Variants in TMTC3 observed in about 807,000 individuals in gnomAD.
The protein encoded by TMTC3 is protein O-mannosyl-transferase TMTC3.
In TMTC3, 52 loss-of-function variants were observed where a neutral mutation model predicts 92.2. The observed-to-expected ratio is 0.56, with a 90% CI of 0.45 to 0.71. The LOEUF is 0.71. TMTC3 is among the 30% of genes least tolerant of loss of function. The pLI, the probability that TMTC3 is intolerant of heterozygous loss-of-function variation, is 0.00. For missense variants in TMTC3, 896 were observed against 1,057.1 expected (o/e 0.85, Z 2.11); for synonymous variants, 339 against 363.3 (o/e 0.93, Z 0.76).
At chr12:88,168,565 G>A (rs189286482) in intron 7 of TMTC3, among the ~76,000 whole-genome samples, 11 of 152,278 alleles carry the variant, frequency 7.2e-5, no homozygotes, top group Admixed American at 2.6e-4. Flanking sequence ...TTTTATTGGC[G>A]TACTCAGCTA....
chr12:88,188,988 TG>T (rs780850541), intron 11 of TMTC3, 42 bp downstream of exon 11: 1 of 1,045,568 alleles, frequency 9.6e-7, no homozygotes, highest in Non-Finnish European at 1.5e-6. Context: ...ATCTATTAGA[TG>T]TCCATATTGA....
chr12:88,191,710 C>CTGTTTGTT (rs34463654), intron 12 of TMTC3, among the ~76,000 whole-genome samples: 17,780 of 151,458 alleles, frequency 0.12, 1,906 homozygotes, highest in African/African-American at 0.29. Flanking sequence ...AGTCCTTTTT[C>CTGTTTGTT]TGTTTGTTTG....
At chr12:88,145,815 A>G (rs887663927) in intron 1 of TMTC3, among the ~76,000 whole-genome samples, 2 of 152,192 alleles carry the variant, frequency 1.3e-5, no homozygotes, top group Admixed American at 6.5e-5. Context: ...GCTAAGAACA[A>G]AAGGAGAGCA....
intron 4 of TMTC3, among the ~76,000 whole-genome samples, chr12:88,155,079 A>G (rs1263143039): frequency 6.6e-6 from 1 of 152,176 alleles, no homozygotes; most frequent in Non-Finnish European, 1.5e-5. Flanking sequence ...ATTTAGCCAA[A>G]CATCTTAAGA....
chr12:88,162,476 T>A (rs1208848930), intron 6 of TMTC3, among the ~76,000 whole-genome samples: 1 of 152,162 alleles, frequency 6.6e-6, no homozygotes, highest in Non-Finnish European at 1.5e-5. Context: ...GATGCTCTGT[T>A]TTTTTCCCTC....
At chr12:88,173,125 A>T in intron 8 of TMTC3, 1 of 1,193,098 alleles carries the variant, frequency 8.4e-7, no homozygotes, top group East Asian at 5.7e-5. Context: ...TAAAATGCAT[A>T]TAGTAAGCAA....
chr12:88,193,763 G>A (rs2041470203), intron 13 of TMTC3, among the ~76,000 whole-genome samples: 1 of 152,140 alleles, frequency 6.6e-6, no homozygotes, highest in Non-Finnish European at 1.5e-5. Context: ...GTCCAAAAAA[G>A]TAGAAATTTG....
At position 88,153,287 on chromosome 12, in the gene TMTC3, G is replaced by A. The variant is rs766897117; in HGVS notation, c.190-4G>A. ...AATAATCACTGATCGTTTTTTCCTT[G>A]TAGGAGAGAAGCCACAAGTCTTACC... On this transcript the variant is annotated splice_polypyrimidine_tract_variant and splice_region_variant and intron_variant, in intron 2 of 13. Coordinates refer to ENST00000266712, the MANE Select transcript of TMTC3 (RefSeq NM_181783.4). The A allele has an allele frequency of 1.3e-6, 2 of 1,598,908 alleles. No individual in the cohort carries two copies. The highest frequency in any genetic ancestry group is 4.5e-5 in the East Asian group (2 of 44,640).
At chr12:88,159,662 TAAA>T (rs1218499909) in intron 4 of TMTC3, among the ~76,000 whole-genome samples, 12 of 143,322 alleles carry the variant, frequency 8.4e-5, no homozygotes, top group Admixed American at 7.7e-4. Context: ...GACCCTGTCT[TAAA>T]AAAAAAAAAA....
In TMTC3 at chr12:88,197,786, A is replaced by G. The variant is rs761526961; in HGVS notation, c.*2137A>G. ...CATTAATAATTTAATAATTGTTTTA[A>G]ATCAGTGGTTTTCAACCCTCACTTC... On this transcript the variant is annotated 3_prime_UTR_variant, in exon 14 of 14. Coordinates refer to ENST00000266712, the MANE Select transcript of TMTC3 (RefSeq NM_181783.4). 1 of 152,026 alleles carries G rather than the reference A, an allele frequency of 6.6e-6. No individual in the cohort carries two copies. Among genetic ancestry groups the G allele is most frequent in the African/African-American group, 2.4e-5 (1 of 41,420 alleles). 9.4% of individuals were successfully genotyped at this position (152,026 alleles called of 1,614,324 possible).
At chr12:88,148,973 C>G (rs1446188813) in intron 2 of TMTC3, among the ~76,000 whole-genome samples, 1 of 152,010 alleles carries the variant, frequency 6.6e-6, no homozygotes, top group Non-Finnish European at 1.5e-5. Flanking sequence ...GACTTTATTT[C>G]TCTTTTTTCT....
intron 1 of TMTC3, 41 bp from the exon 2 acceptor site, chr12:88,148,247 T>A (rs1314674677): frequency 7.5e-7 from 1 of 1,334,812 alleles, no homozygotes; most frequent in East Asian, 2.3e-5. Context: ...TTACTTGGAA[T>A]AAATATGTTC....
chr12:88,148,554 T>C (rs1231715569), intron 2 of TMTC3, 50 bp downstream of exon 2: 3 of 1,336,070 alleles, frequency 2.2e-6, no homozygotes, highest in South Asian at 2.9e-5. Context: ...TTTTGAAATA[T>C]TCTGGTATTT....
chr12:88,157,281 T>C (rs1276351235), intron 4 of TMTC3, among the ~76,000 whole-genome samples: 1 of 151,772 alleles, frequency 6.6e-6, no homozygotes, highest in Non-Finnish European at 1.5e-5. Flanking sequence ...AATTTTACCC[T>C]TGAAGCCACA....
chr12:88,183,893 C>G (rs1386943165), intron 10 of TMTC3, among the ~76,000 whole-genome samples: 1 of 152,136 alleles, frequency 6.6e-6, no homozygotes, highest in African/African-American at 2.4e-5. Flanking sequence ...ACCACTGTCC[C>G]ATGATGAAAC....
chr12:88,157,150 A>G (rs1431531418), intron 4 of TMTC3, among the ~76,000 whole-genome samples: 3 of 152,022 alleles, frequency 2.0e-5, no homozygotes, highest in South Asian at 4.1e-4. Flanking sequence ...GTATGAGTAT[A>G]TTGAAGAAAT....
Position 88,195,743 on chromosome 12 carries a change from C to G in TMTC3, c.*94C>G. The G allele has an allele frequency of 1.9e-6, 2 of 1,041,602 alleles. No homozygotes were observed. The highest frequency in any genetic ancestry group is 2.7e-6 in the Non-Finnish European group (2 of 729,652). The allele number at this position is 1,041,602 out of a possible 1,614,324, so 64.5% of individuals were successfully genotyped here. A position where few individuals can be genotyped will look rare whatever the true frequency, so the allele number is the denominator to read the frequency against. On this transcript the variant is annotated 3_prime_UTR_variant, in exon 14 of 14. Transcript: ENST00000266712. ...AGCTTTGAAAAAAAGTTCAAGGGTT[C>G]CTAATGGTCAATCATGAGCTGCCTT...
chr12:88,144,584 A>G (rs1210867185), intron 1 of TMTC3, among the ~76,000 whole-genome samples: 1 of 152,216 alleles, frequency 6.6e-6, no homozygotes, highest in African/African-American at 2.4e-5. Context: ...GAACAAGTTC[A>G]TAGAAGTTAA....
At chr12:88,147,561 T>A (rs1289245442) in intron 1 of TMTC3, among the ~76,000 whole-genome samples, 2 of 152,148 alleles carry the variant, frequency 1.3e-5, no homozygotes, top group African/African-American at 2.4e-5. Context: ...TTTCTCCTAG[T>A]TTCTTGAAAA....
Sources: allele counts gnomAD v4.1 joint callset (sites outside exome capture counted in the v4.1 genomes callset), GRCh38; gene constraint gnomAD v4.1.1; transcripts MANE v1.5; gene names NCBI Gene and HGNC (gene_info 2026-07-23, HGNC 2026-07-21).